The following MEGF11 variants were observed in gnomAD, a reference collection of about 807,000 sequenced individuals.
MEGF11 encodes multiple EGF like domains 11, also known as multiple epidermal growth factor-like domains protein 11.
Under a neutral mutation model 146.6 loss-of-function variants are expected in MEGF11, and 126 were observed. That is an observed-to-expected ratio of 0.86 (90% CI 0.74 to 1.00). The LOEUF (loss-of-function observed/expected upper bound fraction) is 1.00, where lower values mean the gene tolerates loss of function less well. Among genes scored for constraint, MEGF11 ranks in the 50% least tolerant of loss-of-function variants. MEGF11 has a pLI of 0.00. For missense variants in MEGF11, 1,509 were observed against 1,521.2 expected (o/e 0.99, Z 0.13); for synonymous variants, 532 against 583.4 (o/e 0.91, Z 1.27).
At chr15:65,906,441 G>C (rs2078631341) in intron 23 of MEGF11, among the ~76,000 whole-genome samples, 1 of 152,210 alleles carries the variant, frequency 6.6e-6, no homozygotes, top group African/African-American at 2.4e-5. Flanking sequence ...CCCTAGGGGA[G>C]TGTCTTTCAG....
At chr15:65,996,643 A>G (rs571381100) in intron 5 of MEGF11, among the ~76,000 whole-genome samples, 39 of 151,980 alleles carry the variant, frequency 2.6e-4, no homozygotes, top group African/African-American at 8.9e-4. Flanking sequence ...GAGCCATCAC[A>G]CCCAGCTAAT....
At chr15:65,930,064 T>C (rs1048551266) in intron 11 of MEGF11, among the ~76,000 whole-genome samples, 181 bp from the exon 12 acceptor site, 2 of 152,182 alleles carry the variant, frequency 1.3e-5, no homozygotes, top group African/African-American at 4.8e-5. Flanking sequence ...GAGCTGGGGC[T>C]AGAACCCAGG....
intron 5 of MEGF11, among the ~76,000 whole-genome samples, chr15:66,078,811 T>G (rs2085706575): frequency 6.6e-6 from 1 of 152,240 alleles, no homozygotes; most frequent in East Asian, 1.9e-4. Flanking sequence ...GGATCTCCAC[T>G]GCCCGCCTCT....
chr15:66,044,356 C>T (rs2084110324), intron 5 of MEGF11, among the ~76,000 whole-genome samples: 1 of 152,182 alleles, frequency 6.6e-6, no homozygotes, highest in Middle Eastern at 3.2e-3. Flanking sequence ...TTAATCCATC[C>T]ATCACCTGCT....
At chr15:65,924,379 G>T (rs915199130) in intron 13 of MEGF11, among the ~76,000 whole-genome samples, 1 of 137,050 alleles carries the variant, frequency 7.3e-6, no homozygotes, top group Admixed American at 7.2e-5. Context: ...TGGGTGGGGG[G>T]GGGGGCAAGT....
intron 15 of MEGF11, among the ~76,000 whole-genome samples, chr15:65,920,048 T>C (rs1263408706): frequency 1.3e-5 from 2 of 152,264 alleles, no homozygotes; most frequent in Non-Finnish European, 2.9e-5. Flanking sequence ...TTATGCCTTA[T>C]CATTAACTCT....
rs1016685469 is a variant in MEGF11 at position 65,980,387 on chromosome 15, G to T, written c.762+391C>A. Reference sequence around the variant, plus strand: ...AGGGAGGGTATTCAGAGTGGGAGAAGAATTCAGCTTTTTTTTTTTTTTTTT... The same window carrying T: ...AGGGAGGGTATTCAGAGTGGGAGAATAATTCAGCTTTTTTTTTTTTTTTTT... On this transcript the variant is annotated intron_variant, in intron 7 of 25. Coordinates refer to ENST00000395614, the MANE Select transcript of MEGF11 (RefSeq NM_001385028.1). Among the ~76,000 whole-genome samples the T allele has an allele frequency of 1.1e-4, 14 of 127,672 alleles. No individual in the cohort carries two copies. The South Asian group carries it at 1.6e-3, about 15-fold the overall frequency. 83.8% of individuals were successfully genotyped at this position (127,672 alleles called of 152,430 possible). A position where few individuals can be genotyped will look rare whatever the true frequency, so the allele number is the denominator to read the frequency against.
intron 5 of MEGF11, among the ~76,000 whole-genome samples, chr15:66,064,539 T>G (rs975198294): frequency 6.6e-6 from 1 of 151,998 alleles, no homozygotes; most frequent in Non-Finnish European, 1.5e-5. Flanking sequence ...CTTTTTGAGA[T>G]GGAGTTTCAC....
intron 1 of MEGF11, among the ~76,000 whole-genome samples, chr15:66,169,432 C>T (rs2090186115): frequency 1.3e-5 from 2 of 152,220 alleles, no homozygotes; most frequent in African/African-American, 4.8e-5. Context: ...TCCTGACACT[C>T]AGTGAGGGAG....
chr15:66,068,575 A>G (rs1396464722), intron 5 of MEGF11, among the ~76,000 whole-genome samples: 2 of 152,360 alleles, frequency 1.3e-5, no homozygotes, highest in East Asian at 3.9e-4. Flanking sequence ...AAAGCAAGTT[A>G]GTGGCAGAGC....
chr15:66,069,288 C>T lies in MEGF11; in HGVS notation c.394+25114G>A, dbSNP rs182954276. 1.4e-3 allele frequency among the ~76,000 whole-genome samples: 218 copies of T among 152,302 alleles called. 1 individual carries two copies. Among genetic ancestry groups the T allele is most frequent in the Non-Finnish European group, 2.4e-3 (160 of 68,024 alleles). ...TTAATCCGAAACTTTATATGTGATG[C>T]TTTTCTCTTTCTGAATTTGAATTAC... On this transcript the variant is annotated intron_variant, in intron 5 of 25. Transcript: ENST00000395614.
At position 66,041,277 on chromosome 15, in the gene MEGF11, A is replaced by C. The variant is rs573246276; in HGVS notation, c.394+53125T>G. ...AGATAAACTGTGTTTATTAAGGCTC[A>C]CAGACTGCTGGGCAGAAAATGCAAG... On this transcript the variant is annotated intron_variant, in intron 5 of 25. Coordinates refer to ENST00000395614, the MANE Select transcript of MEGF11 (RefSeq NM_001385028.1). Among the ~76,000 whole-genome samples the C allele has an allele frequency of 2.0e-5, 3 of 152,348 alleles. No individual in the cohort carries two copies. In the South Asian group the frequency reaches 6.2e-4, roughly 32 times the overall value.
intron 16 of MEGF11, among the ~76,000 whole-genome samples, chr15:65,917,412 T>C (rs1331342498): frequency 6.6e-6 from 1 of 152,156 alleles, no homozygotes; most frequent in Non-Finnish European, 1.5e-5. Context: ...GCCATCTAAC[T>C]AGGACCTCCC....
At chr15:66,160,664 GACACACACACACACAC>G (rs3221608) in intron 1 of MEGF11, among the ~76,000 whole-genome samples, 24 of 137,538 alleles carry the variant, frequency 1.7e-4, no homozygotes, top group Non-Finnish European at 2.3e-4. Flanking sequence ...GCCCTAAGGG[GACACACACACACACAC>G]ACACACACAC....
At chr15:66,194,697 G>A (rs1170155003) in intron 1 of MEGF11, among the ~76,000 whole-genome samples, 3 of 151,904 alleles carry the variant, frequency 2.0e-5, no homozygotes, top group Non-Finnish European at 4.4e-5. Flanking sequence ...AGGGATAAAA[G>A]ACAACATATT....
At chr15:66,110,261 C>A (rs4776732) in intron 4 of MEGF11, among the ~76,000 whole-genome samples, 62,835 of 152,070 alleles carry the variant, frequency 0.41, 13,448 homozygotes, top group Middle Eastern at 0.55. Flanking sequence ...ACAAGGACAA[C>A]TCTTTGGTAG....
intron 10 of MEGF11, among the ~76,000 whole-genome samples, chr15:65,935,202 C>T (rs1255118357): frequency 6.6e-6 from 1 of 151,896 alleles, no homozygotes; most frequent in African/African-American, 2.4e-5. Context: ...CACCTGTAGT[C>T]CCAGCTACTT....
In MEGF11 at chr15:65,982,392, G is replaced by A; in HGVS notation, c.491C>T (p.Ala164Val). 1 of 1,532,756 alleles carries A rather than the reference G, an allele frequency of 6.5e-7. No individual in the cohort carries two copies. The highest frequency in any genetic ancestry group is 1.2e-5 in the South Asian group (1 of 82,666). 94.9% of individuals were successfully genotyped at this position (1,532,756 alleles called of 1,614,324 possible). Residue 164 changes from alanine to valine, a missense_variant, in exon 6 of 26, where the codon GCC becomes GTC. Physicochemically the swap from Ala to Val is moderately conservative, Grantham distance 64. Transcript: ENST00000395614. This position sits in a 1 kb window ranked among gnomAD's most constrained non-coding sequence, Gnocchi z 5.6. ...GCAGCGCCATCCACGGAAGCCGGCGGCGCACACGCAGGCGCCTGTGATGGG... is the reference window on the plus strand; with the variant it reads ...GCAGCGCCATCCACGGAAGCCGGCGACGCACACGCAGGCGCCTGTGATGGG... ...CNPITGACVC[A>V]AGFRGWRCEE...
At chr15:66,126,929 T>C (rs2088377972) in intron 2 of MEGF11, among the ~76,000 whole-genome samples, 1 of 152,192 alleles carries the variant, frequency 6.6e-6, no homozygotes, top group Admixed American at 6.5e-5. Flanking sequence ...AGGAGACTTT[T>C]TCGAATGCAC....
Sources: gnomAD v4.1 joint callset for allele counts (sites outside exome capture counted in the v4.1 genomes callset) on GRCh38, gnomAD v4.1.1 for gene constraint, Gnocchi (gnomAD v3.1) non-coding constraint, MANE v1.5 for transcripts, NCBI Gene and HGNC (gene_info 2026-07-23, HGNC 2026-07-21) for gene names.